ENOX2: variants seen among roughly 807,000 people sequenced by gnomAD.
ENOX2 encodes ecto-NOX disulfide-thiol exchanger 2, also known as APK1 antigen.
In ENOX2, 36 loss-of-function variants were observed where a neutral mutation model predicts 45.0. The observed-to-expected ratio is 0.80, with a 90% CI of 0.61 to 1.06. The LOEUF is 1.06. Ranked by LOEUF, ENOX2 falls within the 50% of genes least tolerant of loss-of-function variation. The pLI is 0.00. For synonymous variants in ENOX2, 174 were observed against 152.3 expected (o/e 1.14, Z -1.05); for missense variants, 423 against 462.5 (o/e 0.91, Z 0.78).
At chrX:130,761,353 T>C (rs957011613) in intron 3 of ENOX2, among the ~76,000 whole-genome samples, 17 of 111,863 alleles carry the variant, frequency 1.5e-4, no homozygotes, top group African/African-American at 5.5e-4. Context: ...TTAATAGTTA[T>C]ATGGCTATTC....
At chrX:130,676,253 G>A (rs1239005655) in intron 6 of ENOX2, among the ~76,000 whole-genome samples, 2 of 111,364 alleles carry the variant, frequency 1.8e-5, no homozygotes, top group East Asian at 5.6e-4. Flanking sequence ...GCTCCCAAAG[G>A]TGCTCCAATT....
chrX:130,884,355 AC>A (rs1175073600), intron 2 of ENOX2, among the ~76,000 whole-genome samples: 1 of 112,286 alleles, frequency 8.9e-6, no homozygotes, highest in Non-Finnish European at 1.9e-5. Flanking sequence ...ACAGATTATA[AC>A]AATACTTGCT....
chrX:130,857,993 A>ATAC (rs1353807473), intron 2 of ENOX2, among the ~76,000 whole-genome samples: 5 of 111,414 alleles, frequency 4.5e-5, no homozygotes, highest in African/African-American at 1.3e-4. Context: ...CCTCCCAGAA[A>ATAC]TACTACTACG....
intron 3 of ENOX2, among the ~76,000 whole-genome samples, chrX:130,735,734 G>A (rs1332643627): frequency 8.9e-6 from 1 of 111,784 alleles, no homozygotes; most frequent in Non-Finnish European, 1.9e-5. Flanking sequence ...CAATAACAGA[G>A]GATTGGTTAA....
chrX:130,631,993 G>A (rs1228641426), intron 12 of ENOX2, among the ~76,000 whole-genome samples: 1 of 110,551 alleles, frequency 9.0e-6, no homozygotes, highest in East Asian at 2.8e-4. Flanking sequence ...GTGGAGCCAG[G>A]ATTTCATCCC....
chrX:130,682,455 G>T (rs766611648), intron 5 of ENOX2, among the ~76,000 whole-genome samples: 1 of 107,868 alleles, frequency 9.3e-6, no homozygotes, highest in Non-Finnish European at 1.9e-5. Context: ...ATGGTGGCAC[G>T]TGCCTGTAAT....
intron 2 of ENOX2, among the ~76,000 whole-genome samples, chrX:130,867,328 T>C (rs2078505976): frequency 8.9e-6 from 1 of 111,861 alleles, no homozygotes; most frequent in South Asian, 3.7e-4. Context: ...TAATTGTAGA[T>C]ATTATTCTTT....
chrX:130,679,415 G>A, intron 6 of ENOX2, 127 bp downstream of exon 6: 1 of 544,952 alleles, frequency 1.8e-6, no homozygotes, highest in Non-Finnish European at 3.2e-6. Flanking sequence ...GGAACATTCA[G>A]TTTCCACCTC....
chrX:130,643,867 T>C (rs1453649684), intron 10 of ENOX2, among the ~76,000 whole-genome samples: 1 of 111,991 alleles, frequency 8.9e-6, no homozygotes, highest in East Asian at 2.8e-4. Context: ...CTATTTCATC[T>C]AATAAAAGCA....
chrX:130,840,863 T>C (rs2078004604), intron 2 of ENOX2, among the ~76,000 whole-genome samples: 1 of 111,438 alleles, frequency 9.0e-6, no homozygotes, highest in African/African-American at 3.3e-5. Context: ...CAAGACCCCA[T>C]CTCAAAAAAC....
intron 3 of ENOX2, among the ~76,000 whole-genome samples, chrX:130,763,611 G>A (rs367867619): frequency 2.7e-5 from 3 of 111,147 alleles, no homozygotes; most frequent in East Asian, 5.7e-4. Flanking sequence ...GCTCACACCT[G>A]TAATCCTAGC....
chrX:130,629,402 G>A (rs982024425), intron 13 of ENOX2, among the ~76,000 whole-genome samples: 18 of 112,480 alleles, frequency 1.6e-4, no homozygotes, highest in Non-Finnish European at 1.5e-4. Context: ...CTTTCTCTCT[G>A]CCAGCCCAAG....
At chrX:130,886,532 AC>A (rs1170595222) in intron 2 of ENOX2, among the ~76,000 whole-genome samples, 2 of 112,218 alleles carry the variant, frequency 1.8e-5, no homozygotes, top group Non-Finnish European at 3.8e-5. Flanking sequence ...ATTATTATGG[AC>A]CATTATGTTT....
chrX:130,818,479 C>A (rs959586505), intron 2 of ENOX2, among the ~76,000 whole-genome samples: 10 of 111,735 alleles, frequency 8.9e-5, no homozygotes, highest in East Asian at 2.8e-4. Context: ...GGAGGCATCA[C>A]GCTACCTGAC....
At chrX:130,699,796 G>A (rs932477103) in intron 4 of ENOX2, among the ~76,000 whole-genome samples, 5 of 111,988 alleles carry the variant, frequency 4.5e-5, no homozygotes, top group Non-Finnish European at 9.4e-5. Flanking sequence ...CTCTTCACCT[G>A]TTGCTGTCCA....
chrX:130,725,646 T>C (rs958814621), intron 3 of ENOX2, among the ~76,000 whole-genome samples: 1 of 110,271 alleles, frequency 9.1e-6, no homozygotes, highest in African/African-American at 3.3e-5. Context: ...GCTGGGAGAC[T>C]GACTGAGTTC....
chrX:130,871,535 T>C (rs1362804250), intron 2 of ENOX2, among the ~76,000 whole-genome samples: 1 of 111,286 alleles, frequency 9.0e-6, no homozygotes, highest in African/African-American at 3.3e-5. Flanking sequence ...GGAAAATCAA[T>C]GTAGGCTAGC....
chrX:130,817,501 T>C (rs1261371132), intron 2 of ENOX2, among the ~76,000 whole-genome samples: 2 of 111,957 alleles, frequency 1.8e-5, no homozygotes, highest in East Asian at 2.8e-4. Context: ...CTGATGAACA[T>C]TGATGCAAAA....
intron 3 of ENOX2, among the ~76,000 whole-genome samples, chrX:130,732,528 TAAGATCAC>T (rs1349971881): frequency 1.8e-5 from 2 of 111,912 alleles, no homozygotes; most frequent in Non-Finnish European, 3.8e-5. Flanking sequence ...GGGAAATCCA[TAAGATCAC>T]AAATAGCCAA....
Sources: gnomAD v4.1 joint callset for allele counts (sites outside exome capture counted in the v4.1 genomes callset) on GRCh38, gnomAD v4.1.1 for gene constraint, MANE v1.5 for transcripts, NCBI Gene and HGNC (gene_info 2026-07-23, HGNC 2026-07-21) for gene names.